Variants in LARP1 observed in about 807,000 individuals in gnomAD.
LARP1 encodes the protein La ribonucleoprotein 1, translational regulator, also known as la-related protein 1.
In LARP1, 36 loss-of-function variants were observed where a neutral mutation model predicts 122.7. The observed-to-expected ratio is 0.29, with a 90% CI of 0.22 to 0.39. The LOEUF (loss-of-function observed/expected upper bound fraction) is 0.39, where lower values mean the gene tolerates loss of function less well. Among genes scored for constraint, LARP1 ranks in the 10% least tolerant of loss-of-function variants. LARP1 has a pLI of 1.00. For missense variants in LARP1, 1,040 were observed against 1,403.6 expected (o/e 0.74, Z 4.14); for synonymous variants, 539 against 528.7 (o/e 1.02, Z -0.27).
At chr5:154,740,087 A>AT (rs1176194059) in intron 1 of LARP1, among the ~76,000 whole-genome samples, 2 of 114,296 alleles carry the variant, frequency 1.7e-5, no homozygotes, top group Non-Finnish European at 3.6e-5. Flanking sequence ...ACACACAAAC[A>AT]TTAAAAAAAA....
chr5:154,771,539 A>G (rs1023175023), intron 1 of LARP1, among the ~76,000 whole-genome samples: 5 of 152,186 alleles, frequency 3.3e-5, no homozygotes, highest in Non-Finnish European at 4.4e-5. Context: ...CTGGCTTTGC[A>G]TTCTCCCAGA....
chr5:154,691,625 C>CGGCACGAAGG (rs1396601224), intron 1 of LARP1, among the ~76,000 whole-genome samples: 9 of 152,208 alleles, frequency 5.9e-5, no homozygotes, highest in African/African-American at 1.9e-4. Context: ...GCATGAAGGT[C>CGGCACGAAGG]TGCACAAGGT....
chr5:154,783,864 G>T (rs1298545959), intron 1 of LARP1, among the ~76,000 whole-genome samples: 1 of 152,210 alleles, frequency 6.6e-6, no homozygotes, highest in Non-Finnish European at 1.5e-5. Flanking sequence ...CTGTCTTTCT[G>T]TTCTCACACC....
At chr5:154,805,459 A>G (rs968093589) in intron 14 of LARP1, among the ~76,000 whole-genome samples, 1 of 152,164 alleles carries the variant, frequency 6.6e-6, no homozygotes, top group African/African-American at 2.4e-5. Flanking sequence ...AAGGTGGAAG[A>G]AATCTGCGTA....
At position 154,756,185 on chromosome 5, in the gene LARP1, C is replaced by G. The variant is rs1393356423; in HGVS notation, c.428C>G (p.Ser143Cys). The G allele has an allele frequency of 9.2e-6, 12 of 1,298,324 alleles. No homozygotes were observed. The highest frequency in any genetic ancestry group is 1.2e-5 in the Non-Finnish European group (12 of 989,694). 80.4% of individuals were successfully genotyped at this position (1,298,324 alleles called of 1,614,324 possible). The change falls in exon 1 of 19, where the codon TCC becomes TGC. Residue 143 changes from serine (S) to cysteine (C), a missense_variant. This residue lies in a region of LARP1 where 257 missense variants were observed against 273.3 expected (regional missense o/e 0.94). Coordinates refer to ENST00000518297, the MANE Select transcript of LARP1 (RefSeq NM_033551.3). ...GTCCTGACCACCGTGAACGGACAGT[C>G]CCCCCCAGGTGGGTCTCCCTCCTTG... ...PPVLTTVNGQ[S>C]PPEHSAPAKV...
intron 8 of LARP1, among the ~76,000 whole-genome samples, chr5:154,797,569 A>T (rs1304117403): frequency 6.6e-6 from 1 of 151,416 alleles, no homozygotes; most frequent in Non-Finnish European, 1.5e-5. Context: ...CTTTACGTAG[A>T]CTTGTGGATC....
Position 154,755,545 on chromosome 5 carries a change from T to C in LARP1, c.-213T>C, listed in dbSNP as rs1753786439. On this transcript the variant is annotated 5_prime_UTR_variant, in exon 1 of 19. Transcript: ENST00000518297. ...GCCTGGACTGCAGAGTGGGGGGCCT[T>C]CCTCCCCCCCCGCCCCGCTAGTGGG... 4.1e-6 allele frequency: 4 copies of C among 985,274 alleles called. No homozygotes were observed. The highest frequency in any genetic ancestry group is 1.8e-5 in the African/African-American group (1 of 56,572). 61.0% of individuals were successfully genotyped at this position (985,274 alleles called of 1,614,324 possible).
upstream of LARP1, among the ~76,000 whole-genome samples, chr5:154,710,629 G>A (rs1462956147): frequency 6.6e-6 from 1 of 151,356 alleles, no homozygotes; most frequent in Non-Finnish European, 1.5e-5. Flanking sequence ...TATAATCCCA[G>A]CTACTCAGGA....
intron 1 of LARP1, among the ~76,000 whole-genome samples, chr5:154,726,971 C>T (rs1756255306): frequency 6.6e-6 from 1 of 152,222 alleles, no homozygotes; most frequent in Non-Finnish European, 1.5e-5. Flanking sequence ...CCATGATTCA[C>T]TTACCTCTAC....
At chr5:154,776,839 CCTG>C (rs1220797631) in intron 1 of LARP1, among the ~76,000 whole-genome samples, 2 of 152,180 alleles carry the variant, frequency 1.3e-5, no homozygotes, top group Non-Finnish European at 2.9e-5. Context: ...CTCAGGAACT[CCTG>C]CTGAATGGGA....
chr5:154,804,302 C>T lies in LARP1; in HGVS notation c.2541C>T (p.Ser847=). Residue 847 remains serine (S), a synonymous_variant, in exon 14 of 19, where the codon TCC becomes TCT. Coordinates refer to ENST00000518297, the MANE Select transcript of LARP1 (RefSeq NM_033551.3). ...DSREHRPRTA[S]ISSSPSEGTP... Reference sequence around the variant, plus strand: ...GTGAGCACAGGCCCCGTACTGCTTCCATCAGGTACCTGGGGCAGTGGGGGA... The same window carrying T: ...GTGAGCACAGGCCCCGTACTGCTTCTATCAGGTACCTGGGGCAGTGGGGGA... The T allele has an allele frequency of 6.2e-7, 1 of 1,612,888 alleles. No homozygotes were observed. The highest frequency in any genetic ancestry group is 8.5e-7 in the Non-Finnish European group (1 of 1,178,856).
intron 1 of LARP1, among the ~76,000 whole-genome samples, chr5:154,774,049 A>ATTTTTTTTTTTTTTTTT (rs543076767): frequency 7.0e-6 from 1 of 142,848 alleles, no homozygotes. Flanking sequence ...GCCTGGCTTC[A>ATTTTTTTTTTTTTTTTT]TTTTTTTTTT....
At chr5:154,776,896 T>A (rs1755934898) in intron 1 of LARP1, among the ~76,000 whole-genome samples, 1 of 152,230 alleles carries the variant, frequency 6.6e-6, no homozygotes, top group Non-Finnish European at 1.5e-5. Context: ...GCTCTGCTAT[T>A]TTTCTTTTCA....
chr5:154,807,593 C>G (rs2113858530), intron 15 of LARP1, among the ~76,000 whole-genome samples: 1 of 152,244 alleles, frequency 6.6e-6, no homozygotes, highest in African/African-American at 2.4e-5. Flanking sequence ...CTCTGTCACC[C>G]AGGCAGGAAT....
At chr5:154,740,896 T>G (rs1752843064) in intron 1 of LARP1, among the ~76,000 whole-genome samples, 1 of 152,216 alleles carries the variant, frequency 6.6e-6, no homozygotes, top group Admixed American at 6.5e-5. Context: ...TTGCAGATTC[T>G]AGCCTTTCAG....
rs1758591359 is a variant in LARP1 at position 154,804,447 on chromosome 5, G to A, written c.2546+140G>A. ...GAGGTTTTCAAAAAACCAGTGGTGTGGAAAGCTCAGCCCAGGACCTGGGAA... is the reference window on the plus strand; with the variant it reads ...GAGGTTTTCAAAAAACCAGTGGTGTAGAAAGCTCAGCCCAGGACCTGGGAA... On this transcript the variant is annotated intron_variant, in intron 14 of 18. Coordinates refer to ENST00000518297, the MANE Select transcript of LARP1 (RefSeq NM_033551.3). 4.4e-6 allele frequency: 3 copies of A among 674,512 alleles called. No individual in the cohort carries two copies. In the Admixed American group the frequency reaches 8.2e-5, roughly 18 times the overall value. The allele number at this position is 674,512 out of a possible 1,614,324, so 41.8% of individuals were successfully genotyped here.
chr5:154,712,779 C>T (rs1755280581), upstream of LARP1: 3 of 664,830 alleles, frequency 4.5e-6, no homozygotes, highest in East Asian at 2.7e-5. Flanking sequence ...GAGCTGCCGT[C>T]GCTCTCTTAA....
chr5:154,758,088 T>A (rs1754148869), intron 1 of LARP1, among the ~76,000 whole-genome samples: 1 of 151,956 alleles, frequency 6.6e-6, no homozygotes, highest in South Asian at 2.1e-4. Context: ...AGAGCACTCC[T>A]TTTAAATGGG....
At chr5:154,766,655 C>T (rs900225491) in intron 1 of LARP1, among the ~76,000 whole-genome samples, 1 of 152,190 alleles carries the variant, frequency 6.6e-6, no homozygotes, top group Non-Finnish European at 1.5e-5. Context: ...GGGCAGGCTT[C>T]CAGGTGGCAG....
Sources: gnomAD v4.1 joint callset for allele counts (sites outside exome capture counted in the v4.1 genomes callset) on GRCh38, gnomAD v4.1.1 for gene constraint, gnomAD v4.1.1 regional missense constraint, MANE v1.5 for transcripts, NCBI Gene and HGNC (gene_info 2026-07-23, HGNC 2026-07-21) for gene names.